The following CLEC16A variants were observed in gnomAD, a reference collection of about 807,000 sequenced individuals.
The protein encoded by CLEC16A is protein CLEC16A.
CLEC16A carries 51 observed loss-of-function variants against 109.5 expected under a neutral mutation model. The observed-to-expected ratio is 0.47, with a 90% CI of 0.37 to 0.59. The LOEUF is 0.59. Among genes scored for constraint, CLEC16A ranks in the 20% least tolerant of loss-of-function variants. The pLI is 0.00. For synonymous variants in CLEC16A, 673 were observed against 564.2 expected, an observed-to-expected ratio of 1.19 and a Z score of -2.73; for missense variants, 1,339 against 1,394.0, an observed-to-expected ratio of 0.96 and a Z score of 0.63.
In CLEC16A at chr16:11,015,513, C is replaced by T. The variant is rs114345725; in HGVS notation, c.1304-4680C>T. Among the ~76,000 whole-genome samples the T allele has an allele frequency of 7.9e-3, 1,208 of 152,210 alleles. 20 individuals are homozygous for T. The highest frequency in any genetic ancestry group is 0.028 in the African/African-American group (1,151 of 41,532). ...CCAGAAAGGGGCCTCATGGAGTGCA[C>T]GAGGGAGCCCACGGCAGTCAGAGGC... On this transcript the variant is annotated intron_variant, in intron 11 of 23. Coordinates refer to ENST00000409790, the MANE Select transcript of CLEC16A (RefSeq NM_015226.3).
intron 13 of CLEC16A, among the ~76,000 whole-genome samples, chr16:11,039,335 T>C (rs2047192718): frequency 6.6e-6 from 1 of 152,216 alleles, no homozygotes. Flanking sequence ...AAAATATTAT[T>C]ACTGGCAATT....
intron 10 of CLEC16A, among the ~76,000 whole-genome samples, chr16:10,997,022 C>T (rs1284781143): frequency 6.6e-6 from 1 of 152,214 alleles, no homozygotes; most frequent in Non-Finnish European, 1.5e-5. Context: ...AGTGCAGTGG[C>T]ACGACCACAG....
rs1054033566 is a variant in CLEC16A, at chr16:11,051,397, C to G, written c.1867-116C>G. On this transcript the variant is annotated intron_variant, in intron 17 of 23. Transcript: ENST00000409790. ...CAATCTAAATCCAGGATTTAGATCA[C>G]TCATTTACATTTACTAAATGCGGTT... is the stretch of plus-strand genomic sequence containing the variant. 5 of 1,051,476 alleles carry G rather than the reference C, an allele frequency of 4.8e-6. No homozygotes were observed. The African/African-American group carries it at 7.9e-5, about 17-fold the overall frequency. 65.1% of individuals were successfully genotyped at this position (1,051,476 alleles called of 1,614,324 possible). A position where few individuals can be genotyped will look rare whatever the true frequency, so the allele number is the denominator to read the frequency against.
chr16:11,082,052 G>A (rs562547109), intron 19 of CLEC16A, among the ~76,000 whole-genome samples: 8 of 152,210 alleles, frequency 5.3e-5, no homozygotes, highest in South Asian at 2.1e-4. Context: ...GAATATTGTC[G>A]ACTGTGATGG....
intron 7 of CLEC16A, among the ~76,000 whole-genome samples, chr16:10,976,866 G>A (rs890121901): frequency 1.3e-5 from 2 of 152,218 alleles, no homozygotes; most frequent in African/African-American, 4.8e-5. Flanking sequence ...GAACTCCTCT[G>A]GAGCATTTTA....
rs8063924 is a variant in CLEC16A at position 11,159,040 on chromosome 16, G to T, written c.2642-7348G>T. Among the ~76,000 whole-genome samples the T allele has an allele frequency of 3.4e-3, 520 of 152,290 alleles. 5 individuals carry two copies. Among genetic ancestry groups the T allele is most frequent in the African/African-American group, 0.012 (496 of 41,560 alleles). ...ACTTCTTAATTTTCAAAAGGAGTAT[G>T]AATGAAGCTGTCAACATTTTCAAAA... On this transcript the variant is annotated intron_variant, in intron 22 of 23. Coordinates refer to ENST00000409790, the MANE Select transcript of CLEC16A (RefSeq NM_015226.3).
intron 9 of CLEC16A, among the ~76,000 whole-genome samples, chr16:10,982,420 C>T (rs573921552): frequency 6.6e-6 from 1 of 152,324 alleles, no homozygotes; most frequent in African/African-American, 2.4e-5. Context: ...TGTAGCCAAC[C>T]CTCTGCCAAG....
intron 4 of CLEC16A, among the ~76,000 whole-genome samples, chr16:10,969,637 C>T (rs770755165): frequency 6.6e-5 from 10 of 152,236 alleles, no homozygotes; most frequent in African/African-American, 2.4e-4. Context: ...GCATGAGCCA[C>T]AGCACCTGGC....
At chr16:10,973,216 A>G (rs2042878179) in intron 7 of CLEC16A, among the ~76,000 whole-genome samples, 155 bp downstream of exon 7, 1 of 152,176 alleles carries the variant, frequency 6.6e-6, no homozygotes, top group African/African-American at 2.4e-5. Context: ...CTGCTCACCT[A>G]TTTGTAATAA....
chr16:10,960,720 G>A (rs954581365), intron 2 of CLEC16A, among the ~76,000 whole-genome samples: 1 of 152,124 alleles, frequency 6.6e-6, no homozygotes, highest in Non-Finnish European at 1.5e-5. Context: ...AAATTCTTCT[G>A]CATGGAAGAT....
At chr16:11,006,093 C>G (rs990812541) in intron 11 of CLEC16A, among the ~76,000 whole-genome samples, 1 of 152,080 alleles carries the variant, frequency 6.6e-6, no homozygotes, top group Non-Finnish European at 1.5e-5. Flanking sequence ...CAGGGCTGGG[C>G]CCAGGTGCGC....
At chr16:11,084,907 C>T (rs113465422) in intron 19 of CLEC16A, among the ~76,000 whole-genome samples, 2 of 152,292 alleles carry the variant, frequency 1.3e-5, no homozygotes, top group Admixed American at 1.3e-4. Context: ...ATTCTGAAGG[C>T]AGAAAGGGCC....
chr16:11,033,857 A>C (rs1272902158), intron 13 of CLEC16A, among the ~76,000 whole-genome samples: 2 of 152,194 alleles, frequency 1.3e-5, no homozygotes, highest in African/African-American at 4.8e-5. Context: ...CACATAATGA[A>C]TTCTGGTTTG....
chr16:11,012,477 C>T (rs1006326580), intron 11 of CLEC16A, among the ~76,000 whole-genome samples: 1 of 151,790 alleles, frequency 6.6e-6, no homozygotes, highest in African/African-American at 2.4e-5. Flanking sequence ...TGCCTGTAGT[C>T]CCAGCTACTC....
chr16:11,034,943 G>A (rs2046941498), intron 13 of CLEC16A, among the ~76,000 whole-genome samples: 2 of 152,058 alleles, frequency 1.3e-5, no homozygotes, highest in Admixed American at 1.3e-4. Context: ...GTGTGTGTTT[G>A]TGTGTATGTC....
chr16:10,972,416 A>C (rs563130860), intron 5 of CLEC16A, 138 bp from the exon 6 acceptor site: 1 of 718,580 alleles, frequency 1.4e-6, no homozygotes, highest in Admixed American at 2.3e-5. Flanking sequence ...TTCTAACCTT[A>C]TCTCTCTGTG....
chr16:11,059,693 G>A (rs546892112), intron 18 of CLEC16A, among the ~76,000 whole-genome samples: 19 of 152,270 alleles, frequency 1.2e-4, no homozygotes, highest in African/African-American at 3.9e-4. Context: ...ACTGGGATTC[G>A]CCTTTGCAGC....
At chr16:11,035,090 A>T (rs1218039053) in intron 13 of CLEC16A, among the ~76,000 whole-genome samples, 1 of 152,192 alleles carries the variant, frequency 6.6e-6, no homozygotes, top group Non-Finnish European at 1.5e-5. Flanking sequence ...GTTCGCCACA[A>T]ATTAAATGCC....
In CLEC16A at chr16:11,008,086, G is replaced by C. The variant is rs61569571; in HGVS notation, c.1303+4781G>C. Among the ~76,000 whole-genome samples, 1,302 of 152,298 alleles carry C rather than the reference G, an allele frequency of 8.5e-3. 8 individuals are homozygous for C. Among genetic ancestry groups the C allele is most frequent in the African/African-American group, 0.029 (1,191 of 41,566 alleles). Reference sequence around the variant, plus strand: ...GCACTTAGCGCACACACTCTCGGTCGTTGTCAGGGGCTGTTTGCTTCTTGA... The same window carrying C: ...GCACTTAGCGCACACACTCTCGGTCCTTGTCAGGGGCTGTTTGCTTCTTGA... On this transcript the variant is annotated intron_variant, in intron 11 of 23. Transcript: ENST00000409790.
Sources: gnomAD v4.1 joint callset for allele counts (sites outside exome capture counted in the v4.1 genomes callset) on GRCh38, gnomAD v4.1.1 for gene constraint, MANE v1.5 for transcripts, NCBI Gene and HGNC (gene_info 2026-07-23, HGNC 2026-07-21) for gene names.